The following COL14A1 variants were observed in gnomAD, a reference collection of about 807,000 sequenced individuals.
COL14A1 encodes collagen alpha-1(XIV) chain.
A neutral mutation model predicts 230.3 loss-of-function variants in COL14A1; 136 were observed. That is an observed-to-expected ratio of 0.59 (90% CI 0.51 to 0.68). COL14A1 has a LOEUF of 0.68. Among genes scored for constraint, COL14A1 ranks in the 30% least tolerant of loss-of-function variants. COL14A1 has a pLI of 0.00. For missense variants in COL14A1, 1,976 were observed against 2,215.8 expected, an observed-to-expected ratio of 0.89 and a Z score of 2.17; for synonymous variants, 792 against 784.1, an observed-to-expected ratio of 1.01 and a Z score of -0.17.
chr8:120,241,375 G>A (rs1194890939), intron 19 of COL14A1, among the ~76,000 whole-genome samples: 1 of 152,108 alleles, frequency 6.6e-6, no homozygotes, highest in African/African-American at 2.4e-5. Context: ...GGAACACAGC[G>A]AGATGCAGGG....
At chr8:120,273,930 C>A (rs1819757496) in intron 26 of COL14A1, among the ~76,000 whole-genome samples, 1 of 151,556 alleles carries the variant, frequency 6.6e-6, no homozygotes. Context: ...ACTTTTGCAC[C>A]AACCTAATAT....
At chr8:120,220,768 A>G (rs1033598354) in intron 14 of COL14A1, among the ~76,000 whole-genome samples, 40 of 152,078 alleles carry the variant, frequency 2.6e-4, no homozygotes, top group Non-Finnish European at 1.0e-4. Context: ...CTGCTAATTG[A>G]TGATGATAAT....
intron 19 of COL14A1, 124 bp downstream of exon 19, chr8:120,231,742 C>T: frequency 9.8e-7 from 1 of 1,018,398 alleles, no homozygotes; most frequent in Non-Finnish European, 1.4e-6. Context: ...TCTCCAGAAA[C>T]TAATGTTCTC....
At chr8:120,194,089 G>T (rs1266313277) in intron 5 of COL14A1, among the ~76,000 whole-genome samples, 1 of 152,174 alleles carries the variant, frequency 6.6e-6, no homozygotes. Context: ...ACTCCCTAGT[G>T]GGATGAACCC....
chr8:120,361,301 T>C (rs1249929282), intron 45 of COL14A1, among the ~76,000 whole-genome samples: 1 of 151,618 alleles, frequency 6.6e-6, no homozygotes, highest in Non-Finnish European at 1.5e-5. Flanking sequence ...AAAAAGACAA[T>C]AGGAAGAGGG....
In COL14A1 at chr8:120,197,907, A is replaced by G; in HGVS notation, c.689A>G (p.Tyr230Cys). Residue 230 changes from tyrosine to cysteine, a missense_variant, in exon 7 of 48, where the codon TAT (tyrosine) becomes TGT (cysteine). Tyr to Cys is a radical substitution (Grantham distance 194). Coordinates refer to ENST00000297848, the MANE Select transcript of COL14A1 (RefSeq NM_021110.4). ...EVIEAVRNLP[Y>C]KGGNTLTGLA... ...ATTGAAGCTGTCCGAAACCTCCCAT[A>G]TAAAGGAGGAAATACACTAACAGGT... is the stretch of plus-strand genomic sequence containing the variant. The G allele has an allele frequency of 6.2e-7, 1 of 1,613,730 alleles. No homozygotes were observed. The highest frequency in any genetic ancestry group is 8.5e-7 in the Non-Finnish European group (1 of 1,179,714).
At chr8:120,298,939 C>G (rs984508187) in intron 35 of COL14A1, among the ~76,000 whole-genome samples, 2 of 151,800 alleles carry the variant, frequency 1.3e-5, no homozygotes, top group Non-Finnish European at 2.9e-5. Flanking sequence ...GAAGCAAACA[C>G]TTCCTTCTTC....
In COL14A1 at chr8:120,225,167, T is replaced by C; in HGVS notation, c.1817T>C (p.Ile606Thr). ...GAGTATACTATTGCTATTTTCTCCA[T>C]CTATGATGAAGGACAGTCAGAGCCT... is the stretch of plus-strand genomic sequence containing the variant. The part of the protein sequence containing the change: ...LTEYTIAIFS[I>T]YDEGQSEPLT... The change falls in exon 15 of 48, where the codon ATC (isoleucine) becomes ACC (threonine). Residue 606 changes from isoleucine to threonine, a missense_variant. Around this residue, in one of 3 missense-constraint regions of COL14A1, gnomAD observed 1,791 missense variants for 2,019.5 expected, o/e 0.89. Transcript: ENST00000297848. 6.2e-7 allele frequency: 1 copy of C among 1,613,158 alleles called. No individual in the cohort carries two copies. Among genetic ancestry groups the C allele is most frequent in the Non-Finnish European group, 8.5e-7 (1 of 1,179,730 alleles).
chr8:120,359,213 C>T (rs1160821915), intron 45 of COL14A1, among the ~76,000 whole-genome samples: 1 of 152,048 alleles, frequency 6.6e-6, no homozygotes, highest in Non-Finnish European at 1.5e-5. Flanking sequence ...TGTCCTAATG[C>T]TCTCCGTCCC....
At chr8:120,267,715 AAAGAG>A (rs1819539934) in intron 25 of COL14A1, among the ~76,000 whole-genome samples, 1 of 151,900 alleles carries the variant, frequency 6.6e-6, no homozygotes, top group African/African-American at 2.4e-5. Flanking sequence ...GTGTGGCAAG[AAAGAG>A]AAAAGAATGA....
intron 1 of COL14A1, among the ~76,000 whole-genome samples, chr8:120,131,118 A>G (rs1283888342): frequency 6.6e-6 from 1 of 152,216 alleles, no homozygotes; most frequent in Non-Finnish European, 1.5e-5. Flanking sequence ...CCAGTCCACC[A>G]TTGATGAGCA....
chr8:120,287,416 T>C (rs1250763074), intron 33 of COL14A1, among the ~76,000 whole-genome samples: 1 of 152,006 alleles, frequency 6.6e-6, no homozygotes, highest in African/African-American at 2.4e-5. Context: ...TTATGGAGAG[T>C]GTATTGCAAA....
intron 14 of COL14A1, among the ~76,000 whole-genome samples, chr8:120,222,881 T>C (rs975175650): frequency 6.6e-6 from 1 of 152,152 alleles, no homozygotes; most frequent in Non-Finnish European, 1.5e-5. Context: ...GTAAATAAAG[T>C]AATTTCAGGT....
intron 47 of COL14A1, 180 bp from the exon 48 acceptor site, chr8:120,370,972 G>T: frequency 3.7e-6 from 4 of 1,080,768 alleles, no homozygotes; most frequent in Non-Finnish European, 5.2e-6. Flanking sequence ...CTTTCCCTTC[G>T]TCTATTTACT....
chr8:120,232,025 A>G (rs1168237721), intron 19 of COL14A1: 1 of 155,930 alleles, frequency 6.4e-6, no homozygotes. Context: ...CTTTTAAGCA[A>G]AGGACACAGA....
intron 40 of COL14A1, among the ~76,000 whole-genome samples, chr8:120,324,890 T>G (rs1821605864): frequency 6.8e-6 from 1 of 147,708 alleles, no homozygotes; most frequent in Non-Finnish European, 1.5e-5. Context: ...GGCAGGTCAG[T>G]TTTTTTTAGA....
intron 35 of COL14A1, 51 bp from the exon 36 acceptor site, chr8:120,300,681 A>G (rs751102700): frequency 3.6e-6 from 5 of 1,391,502 alleles, no homozygotes; most frequent in Admixed American, 1.9e-5. Flanking sequence ...CAGTAAAGCC[A>G]TTTGTATAAA....
chr8:120,280,353 A>T (rs1293661875), intron 29 of COL14A1, among the ~76,000 whole-genome samples: 1 of 152,202 alleles, frequency 6.6e-6, no homozygotes, highest in Non-Finnish European at 1.5e-5. Context: ...GCTTAAACAG[A>T]TGTAGTAAAT....
At chr8:120,317,327 G>T (rs951532433) in intron 40 of COL14A1, among the ~76,000 whole-genome samples, 1 of 152,104 alleles carries the variant, frequency 6.6e-6, no homozygotes, top group African/African-American at 2.4e-5. Flanking sequence ...ATGTAGATGC[G>T]CAAGCCTTCT....
Sources: gnomAD v4.1 joint callset for allele counts (sites outside exome capture counted in the v4.1 genomes callset) on GRCh38, gnomAD v4.1.1 for gene constraint, gnomAD v4.1.1 regional missense constraint, MANE v1.5 for transcripts, NCBI Gene and HGNC (gene_info 2026-07-23, HGNC 2026-07-21) for gene names.